ARAP2: variants seen among roughly 807,000 people sequenced by gnomAD.
ARAP2 encodes the protein arf-GAP with Rho-GAP domain, ANK repeat and PH domain-containing protein 2.
ARAP2 carries 148 observed loss-of-function variants against 194.5 expected under a neutral mutation model. The observed-to-expected ratio is 0.76, with a 90% CI of 0.67 to 0.87. The LOEUF is 0.87. ARAP2 is among the 40% of genes least tolerant of loss of function. ARAP2 has a pLI of 0.00. For missense variants in ARAP2, 2,128 were observed against 1,989.7 expected, an observed-to-expected ratio of 1.07 and a Z score of -1.32; for synonymous variants, 695 against 683.5, an observed-to-expected ratio of 1.02 and a Z score of -0.26.
chr4:36,183,061 C>G (rs1033789844), intron 8 of ARAP2, among the ~76,000 whole-genome samples: 2 of 152,104 alleles, frequency 1.3e-5, no homozygotes, highest in Non-Finnish European at 2.9e-5. Context: ...GGAGTCCTAG[C>G]AAGTTCCTAA....
chr4:36,195,252 T>C (rs960709301), intron 6 of ARAP2, among the ~76,000 whole-genome samples: 10 of 152,202 alleles, frequency 6.6e-5, no homozygotes, highest in Non-Finnish European at 1.0e-4. Context: ...GCTTCTAGAA[T>C]TTAACTTTTC....
intron 1 of ARAP2, among the ~76,000 whole-genome samples, chr4:36,058,575 G>C (rs1256728718): frequency 6.6e-6 from 1 of 152,072 alleles, no homozygotes; most frequent in African/African-American, 2.4e-5. Context: ...AGCAACAGCC[G>C]AGTTTGTTTT....
intron 19 of ARAP2, among the ~76,000 whole-genome samples, chr4:36,144,378 T>G (rs1431632191): frequency 6.6e-6 from 1 of 151,904 alleles, no homozygotes; most frequent in Non-Finnish European, 1.5e-5. Context: ...TAAAACTGCA[T>G]TTATGCTAGT....
chr4:36,210,449 A>C lies in ARAP2; in HGVS notation c.1428T>G (p.Phe476Leu), dbSNP rs755794756. Residue 476 changes from phenylalanine (F) to leucine (L), a missense_variant, in exon 6 of 33, where the codon TTT becomes TTG. By Grantham distance (22) the Phe-to-Leu change is conservative (BLOSUM62 0). Transcript: ENST00000303965. ...TAACCTTCTTTGCAGATGCTCCATAAAAGCAGGCATAGGGAGATATTGCCT... is the reference window on the plus strand; with the variant it reads ...TAACCTTCTTTGCAGATGCTCCATACAAGCAGGCATAGGGAGATATTGCCT... ...SSQAISPYACFYGASAKKVKS... is the reference protein window; with the variant it reads ...SSQAISPYACLYGASAKKVKS... The C allele has an allele frequency of 1.5e-5, 24 of 1,613,670 alleles. 1 individual carries two copies. The highest frequency in any genetic ancestry group is 1.9e-5 in the Non-Finnish European group (22 of 1,179,822).
chr4:36,237,748 C>T (rs1752713494), intron 1 of ARAP2, among the ~76,000 whole-genome samples: 2 of 152,160 alleles, frequency 1.3e-5, no homozygotes, highest in South Asian at 4.1e-4. Flanking sequence ...TTCAGGTATT[C>T]CTTTACAGCA....
intron 5 of ARAP2, among the ~76,000 whole-genome samples, chr4:36,020,104 T>C (rs1267345919): frequency 1.3e-5 from 2 of 152,164 alleles, no homozygotes; most frequent in Non-Finnish European, 2.9e-5. Context: ...ACACAAACAC[T>C]GTTATTATAA....
chr4:36,107,823 GT>G (rs1553904002), intron 26 of ARAP2, 130 bp from the exon 27 acceptor site: 1 of 29,648 alleles, frequency 3.4e-5, no homozygotes, highest in Non-Finnish European at 1.3e-4. Flanking sequence ...CATATCTTAT[GT>G]TATATTATAC....
At chr4:36,059,250 G>A (rs1280666064) in intron 1 of ARAP2, among the ~76,000 whole-genome samples, 2 of 152,116 alleles carry the variant, frequency 1.3e-5, no homozygotes, top group East Asian at 1.9e-4. Flanking sequence ...ATTAGGAGAA[G>A]AGACATAATC....
At chr4:36,051,742 G>C (rs1423943525) in intron 3 of ARAP2, among the ~76,000 whole-genome samples, 1 of 152,020 alleles carries the variant, frequency 6.6e-6, no homozygotes, top group Non-Finnish European at 1.5e-5. Context: ...TAAAATTAGT[G>C]AATATTTATA....
intron 26 of ARAP2, among the ~76,000 whole-genome samples, chr4:36,113,819 C>G (rs1720640355): frequency 6.6e-6 from 1 of 151,782 alleles, no homozygotes; most frequent in Non-Finnish European, 1.5e-5. Flanking sequence ...ATATAATAAA[C>G]AATATTTTAA....
At chr4:36,192,769 G>A (rs540802260) in intron 7 of ARAP2, among the ~76,000 whole-genome samples, 33 of 152,284 alleles carry the variant, frequency 2.2e-4, no homozygotes, top group African/African-American at 6.7e-4. Flanking sequence ...AGGCCAAGGC[G>A]GCAGATCACT....
chr4:36,105,127 C>A (rs952742644), intron 27 of ARAP2, among the ~76,000 whole-genome samples: 1 of 152,002 alleles, frequency 6.6e-6, no homozygotes, highest in African/African-American at 2.4e-5. Flanking sequence ...CGAGACCAGC[C>A]TGGCTAACAT....
intron 25 of ARAP2, among the ~76,000 whole-genome samples, chr4:36,116,113 A>T (rs959897325): frequency 2.0e-5 from 3 of 151,956 alleles, no homozygotes; most frequent in African/African-American, 7.2e-5. Flanking sequence ...ATGGCCAAGG[A>T]GTGGCAAGGC....
chr4:36,028,592 C>T (rs1269604395), intron 5 of ARAP2, among the ~76,000 whole-genome samples: 1 of 142,766 alleles, frequency 7.0e-6, no homozygotes, highest in African/African-American at 2.5e-5. Context: ...ACTAAATTAG[C>T]TAATGTTTGT....
At chr4:36,217,904 C>A (rs909431700) in intron 2 of ARAP2, among the ~76,000 whole-genome samples, 2 of 150,508 alleles carry the variant, frequency 1.3e-5, no homozygotes, top group Non-Finnish European at 3.0e-5. Context: ...ACAATACCCC[C>A]TATATGAATC....
At chr4:36,147,495 T>C (rs1729918986) in intron 18 of ARAP2, 53 bp downstream of exon 18, 4 of 1,579,902 alleles carry the variant, frequency 2.5e-6, no homozygotes, top group South Asian at 2.3e-5. Flanking sequence ...CTATCACTAT[T>C]GTATGCAATA....
intron 2 of ARAP2, among the ~76,000 whole-genome samples, chr4:36,222,944 A>G (rs1411790266): frequency 6.6e-6 from 1 of 152,084 alleles, no homozygotes; most frequent in Non-Finnish European, 1.5e-5. Flanking sequence ...TCTTCCTCAT[A>G]AATTCCCTGA....
intron 26 of ARAP2, among the ~76,000 whole-genome samples, chr4:36,109,850 T>A (rs1436500925): frequency 5.4e-5 from 1 of 18,646 alleles, no homozygotes; most frequent in Admixed American, 3.6e-4. Flanking sequence ...CACCTAATGC[T>A]ATCCCTCCCC....
chr4:36,165,057 G>A lies in ARAP2; in HGVS notation c.2030C>T (p.Ser677Leu), dbSNP rs868387705. The A allele has an allele frequency of 6.2e-7, 1 of 1,614,056 alleles. No homozygotes were observed. The highest frequency in any genetic ancestry group is 8.5e-7 in the Non-Finnish European group (1 of 1,179,940). ...ATAATCAGAGAGAGTTTCTGCTATT[G>A]ATTGCTGCACAGCTTCAATCCAGTC... Reference protein sequence around the residue: ...KQDWIEAVQQSIAETLSDYEV... With the variant: ...KQDWIEAVQQLIAETLSDYEV... The change falls in exon 11 of 33, where the codon TCA becomes TTA. Residue 677 changes from serine (S) to leucine (L), a missense_variant. Coordinates refer to ENST00000303965, the MANE Select transcript of ARAP2 (RefSeq NM_015230.4).
Sources: gnomAD v4.1 joint callset for allele counts (sites outside exome capture counted in the v4.1 genomes callset) on GRCh38, gnomAD v4.1.1 for gene constraint, MANE v1.5 for transcripts, NCBI Gene and HGNC (gene_info 2026-07-23, HGNC 2026-07-21) for gene names.